Variants in TAFA1 observed in about 807,000 individuals in gnomAD.
TAFA1 encodes TAFA chemokine like family member 1, also known as chemokine-like protein TAFA-1.
A neutral mutation model predicts 18.5 loss-of-function variants in TAFA1; 4 were observed. The observed-to-expected ratio is 0.22, with a 90% CI of 0.11 to 0.49. TAFA1 has a LOEUF of 0.49. Among genes scored for constraint, TAFA1 ranks in the 20% least tolerant of loss-of-function variants. The probability of loss-of-function intolerance (pLI) is 0.98; values close to 1 mark genes in which losing one functional copy is unlikely to be tolerated. For missense variants in TAFA1, 147 were observed against 169.0 expected (o/e 0.87, Z 0.72); for synonymous variants, 56 against 55.2 (o/e 1.01, Z -0.06).
At chr3:68,343,130 C>T (rs747998515) in intron 2 of TAFA1, among the ~76,000 whole-genome samples, 35 of 152,256 alleles carry the variant, frequency 2.3e-4, no homozygotes, top group Non-Finnish European at 3.5e-4. Context: ...TTTCTCATTA[C>T]CCATTAAGAA....
intron 2 of TAFA1, among the ~76,000 whole-genome samples, chr3:68,009,369 G>T (rs543536300): frequency 1.3e-5 from 2 of 152,286 alleles, no homozygotes; most frequent in South Asian, 4.1e-4. Flanking sequence ...GTTTAAAACT[G>T]AGAATCACAT....
intron 2 of TAFA1, among the ~76,000 whole-genome samples, chr3:68,280,114 G>T (rs1409505403): frequency 6.6e-6 from 1 of 152,130 alleles, no homozygotes; most frequent in African/African-American, 2.4e-5. Context: ...GCTGTTCACT[G>T]TCATTAAGAT....
intron 2 of TAFA1, among the ~76,000 whole-genome samples, chr3:68,009,138 A>G (rs773516484): frequency 2.0e-5 from 3 of 151,964 alleles, no homozygotes; most frequent in South Asian, 2.1e-4. Context: ...TTCTCTTGCT[A>G]TTGTTTTGTT....
At chr3:68,036,343 G>T (rs1157832617) in intron 2 of TAFA1, among the ~76,000 whole-genome samples, 3 of 150,916 alleles carry the variant, frequency 2.0e-5, no homozygotes, top group African/African-American at 7.3e-5. Flanking sequence ...GGAGGCTGAG[G>T]CAGGAGAATC....
At chr3:68,115,217 G>A (rs371890125) in intron 2 of TAFA1, among the ~76,000 whole-genome samples, 24 of 152,232 alleles carry the variant, frequency 1.6e-4, no homozygotes, top group African/African-American at 5.3e-4. Context: ...TAATTAATTA[G>A]TTAGTGCACT....
intron 2 of TAFA1, among the ~76,000 whole-genome samples, chr3:68,183,592 T>C (rs1010718120): frequency 2.0e-5 from 3 of 152,128 alleles, no homozygotes; most frequent in Admixed American, 6.6e-5. Context: ...CCCTCAACAG[T>C]GAGAAGGTTA....
intron 2 of TAFA1, among the ~76,000 whole-genome samples, chr3:68,015,525 T>C (rs1476772156): frequency 6.6e-6 from 1 of 152,154 alleles, no homozygotes; most frequent in East Asian, 1.9e-4. Flanking sequence ...TGACCTCAGG[T>C]GATCCGCCCA....
chr3:68,415,855 A>T (rs1470739204), intron 2 of TAFA1, among the ~76,000 whole-genome samples: 1 of 152,180 alleles, frequency 6.6e-6, no homozygotes, highest in Non-Finnish European at 1.5e-5. Context: ...GGCTGATATG[A>T]AAGCCTGAAC....
chr3:68,366,558 T>C (rs778345652), intron 2 of TAFA1, among the ~76,000 whole-genome samples: 6 of 151,710 alleles, frequency 4.0e-5, no homozygotes, highest in Admixed American at 2.6e-4. Flanking sequence ...AACCATGAAG[T>C]AGTGTAATGT....
chr3:68,478,711 C>T (rs1246739092), intron 3 of TAFA1, among the ~76,000 whole-genome samples: 1 of 151,884 alleles, frequency 6.6e-6, no homozygotes, highest in African/African-American at 2.4e-5. Flanking sequence ...TAAGAACAAC[C>T]TGAACTATAA....
intron 4 of TAFA1, among the ~76,000 whole-genome samples, chr3:68,539,679 G>GT (rs1316493591): frequency 0.019 from 908 of 47,480 alleles, 57 homozygotes; most frequent in African/African-American, 0.033. Flanking sequence ...GTGTGTGTGT[G>GT]GGGGGGCATG....
intron 2 of TAFA1, among the ~76,000 whole-genome samples, chr3:68,244,887 T>A (rs1189445357): frequency 6.6e-6 from 1 of 152,150 alleles, no homozygotes; most frequent in Non-Finnish European, 1.5e-5. Context: ...TTTGGAAAAA[T>A]TAAGTGATTT....
intron 2 of TAFA1, among the ~76,000 whole-genome samples, chr3:68,380,482 T>A (rs1317433604): frequency 3.3e-5 from 5 of 152,330 alleles, no homozygotes; most frequent in African/African-American, 1.2e-4. Flanking sequence ...TGATGGTATC[T>A]CATTGTGGTT....
Position 68,165,547 on chromosome 3 carries a change from A to T in TAFA1, c.118+158803A>T, listed in dbSNP as rs185228695. ...CCAGCTATTTTGCTCTACTCTGCAG[A>T]TATAAAAGGCAAAGAAGGTATGGCT... On this transcript the variant is annotated intron_variant, in intron 2 of 4. Coordinates refer to ENST00000478136, the MANE Select transcript of TAFA1 (RefSeq NM_213609.4). 1.6e-4 allele frequency among the ~76,000 whole-genome samples: 24 copies of T among 152,370 alleles called. No homozygotes were observed. The East Asian group carries it at 4.4e-3, about 28-fold the overall frequency.
At chr3:68,416,358 G>T (rs750698554) in intron 2 of TAFA1, among the ~76,000 whole-genome samples, 2 of 152,172 alleles carry the variant, frequency 1.3e-5, no homozygotes, top group Non-Finnish European at 2.9e-5. Flanking sequence ...TATAGAGGTT[G>T]CTTAACAAAT....
chr3:68,403,274 A>G (rs1316161239), intron 2 of TAFA1, among the ~76,000 whole-genome samples: 1 of 152,218 alleles, frequency 6.6e-6, no homozygotes, highest in Non-Finnish European at 1.5e-5. Context: ...TCATTAAGTG[A>G]GGCATGACTG....
At chr3:68,539,157 C>T (rs913352444) in intron 4 of TAFA1, among the ~76,000 whole-genome samples, 4 of 152,098 alleles carry the variant, frequency 2.6e-5, no homozygotes, top group Admixed American at 1.3e-4. Context: ...GGTAATTATT[C>T]GGATAATTCA....
At chr3:68,494,225 C>T (rs2072502741) in intron 3 of TAFA1, among the ~76,000 whole-genome samples, 1 of 152,174 alleles carries the variant, frequency 6.6e-6, no homozygotes, top group Admixed American at 6.5e-5. Flanking sequence ...CCTCAGCCTC[C>T]CGAGTAGCTG....
At chr3:68,231,875 T>C (rs2066876609) in intron 2 of TAFA1, among the ~76,000 whole-genome samples, 1 of 152,146 alleles carries the variant, frequency 6.6e-6, no homozygotes, top group South Asian at 2.1e-4. Flanking sequence ...AAGTAACTAC[T>C]AATATATTTT....
Sources: gnomAD v4.1 joint callset for allele counts (sites outside exome capture counted in the v4.1 genomes callset) on GRCh38, gnomAD v4.1.1 for gene constraint, MANE v1.5 for transcripts, NCBI Gene and HGNC (gene_info 2026-07-23, HGNC 2026-07-21) for gene names.